CLTRN: variants seen among roughly 807,000 people sequenced by gnomAD.
CLTRN encodes collectrin, amino acid transport regulator, also known as collectrin.
In CLTRN, 12 loss-of-function variants were observed where a neutral mutation model predicts 14.5. That is an observed-to-expected ratio of 0.83 (90% CI 0.53 to 1.34). The LOEUF (loss-of-function observed/expected upper bound fraction) is 1.34, where lower values mean the gene tolerates loss of function less well. CLTRN is among the 40% of genes most tolerant of loss of function. The probability of loss-of-function intolerance (pLI) is 0.00; values close to 1 mark genes in which losing one functional copy is unlikely to be tolerated. For synonymous variants in CLTRN, 58 were observed against 56.5 expected (o/e 1.03, Z -0.12); for missense variants, 154 against 165.1 (o/e 0.93, Z 0.37).
intron 3 of CLTRN, among the ~76,000 whole-genome samples, chrX:15,651,632 T>C (rs1283775670): frequency 9.0e-6 from 1 of 111,382 alleles, no homozygotes; most frequent in Non-Finnish European, 1.9e-5. Context: ...TTATCAAATA[T>C]TTTGTCCATT....
chrX:15,666,154 C>A (rs1472537712), upstream of CLTRN, among the ~76,000 whole-genome samples: 1 of 111,798 alleles, frequency 8.9e-6, no homozygotes, highest in Non-Finnish European at 1.9e-5. Context: ...ATCTGGGTGA[C>A]AAAATAATCT....
Position 15,664,326 on chromosome X carries a change from G to A in CLTRN, c.117+11C>T. 8 of 1,177,383 alleles carry A rather than the reference G, an allele frequency of 6.8e-6. No individual in the cohort carries two copies. Among genetic ancestry groups the A allele is most frequent in the Non-Finnish European group, 9.2e-6 (8 of 873,200 alleles). ...CAAAATTTAAAAAGAACACTCAGGT[G>A]CTCCACTTACTGCTTTATCTCCCAG... is the stretch of plus-strand genomic sequence containing the variant. On this transcript the variant is annotated intron_variant, in intron 2 of 5. Coordinates refer to ENST00000380342, the MANE Select transcript of CLTRN (RefSeq NM_020665.6).
At chrX:15,660,346 G>A (rs1240165939) in intron 2 of CLTRN, among the ~76,000 whole-genome samples, 1 of 110,920 alleles carries the variant, frequency 9.0e-6, no homozygotes, top group Non-Finnish European at 1.9e-5. Context: ...GGAGGGATGG[G>A]GTCTTGCTGT....
chrX:15,674,385 T>C (rs769736658), intron 1 of CLTRN, among the ~76,000 whole-genome samples: 109 of 111,389 alleles, frequency 9.8e-4, no homozygotes, highest in Non-Finnish European at 1.5e-3. Flanking sequence ...CATCAGGAAG[T>C]AGAGGAGTGT....
At chrX:15,658,190 G>T (rs139890252) in intron 3 of CLTRN, among the ~76,000 whole-genome samples, 2,056 of 112,463 alleles carry the variant, frequency 0.018, 41 homozygotes, top group African/African-American at 0.063. Flanking sequence ...AGTGAGGCAG[G>T]TATTGTCCTG....
At chrX:15,633,401 G>A (rs1024625706) in intron 5 of CLTRN, among the ~76,000 whole-genome samples, 17 of 112,188 alleles carry the variant, frequency 1.5e-4, no homozygotes, top group Non-Finnish European at 2.6e-4. Context: ...ACTCAAATAC[G>A]TAGAGTAACT....
chrX:15,665,026 C>T, upstream of CLTRN: 1 of 357,559 alleles, frequency 2.8e-6, no homozygotes, highest in Non-Finnish European at 4.9e-6. Flanking sequence ...GACTCTACCT[C>T]AAAAGAATGT....
chrX:15,641,954 C>T (rs1489022506), intron 4 of CLTRN, among the ~76,000 whole-genome samples: 2 of 111,376 alleles, frequency 1.8e-5, no homozygotes, highest in African/African-American at 3.3e-5. Flanking sequence ...CATGATTATT[C>T]ATGGATGTGA....
chrX:15,632,139 G>C (rs773449044), intron 5 of CLTRN, among the ~76,000 whole-genome samples: 1 of 111,736 alleles, frequency 8.9e-6, no homozygotes, highest in Admixed American at 9.5e-5. Context: ...TAAATATAGA[G>C]AGAAGAGGGG....
rs1928889662 is a variant in CLTRN, at chrX:15,639,564, T to C, written c.510A>G (p.Arg170=). The C allele has an allele frequency of 1.7e-6, 2 of 1,200,705 alleles. No homozygotes were observed. Among genetic ancestry groups the C allele is most frequent in the South Asian group, 3.6e-5 (2 of 55,525 alleles). Residue 170 remains arginine (R), a splice_region_variant and synonymous_variant, in exon 5 of 6, where the codon AGA becomes AGG. Transcript: ENST00000380342. ...ATCACTCCTTTTAAATATCTTACCT[T>C]CTACGTTGCCAGATCCCTGATAAAA... The part of the protein sequence containing the change: ...LLILSGIWQR[R]RKNKEPSEVD...
intron 2 of CLTRN, among the ~76,000 whole-genome samples, chrX:15,659,852 A>C (rs1346279081): frequency 1.8e-5 from 2 of 112,064 alleles, no homozygotes; most frequent in African/African-American, 6.5e-5. Context: ...TCCAGAACTG[A>C]GAGAAAATAA....
At chrX:15,639,398 A>G (rs1295345740) in intron 5 of CLTRN, among the ~76,000 whole-genome samples, 164 bp downstream of exon 5, 3 of 112,399 alleles carry the variant, frequency 2.7e-5, no homozygotes, top group Admixed American at 1.9e-4. Flanking sequence ...TCTAAAATAT[A>G]TCTAAAGAAA....
Position 15,627,941 on chromosome X carries a change from A to T in CLTRN, c.*30T>A. On this transcript the variant is annotated 3_prime_UTR_variant, in exon 6 of 6. Transcript: ENST00000380342. ...AGCAGTCACACAGAAACAAATGTTTAATTTCTTGAGGAAGCAGAACAACAG... is the reference window on the plus strand; with the variant it reads ...AGCAGTCACACAGAAACAAATGTTTTATTTCTTGAGGAAGCAGAACAACAG... 1.0e-6 allele frequency: 1 copy of T among 993,479 alleles called. No homozygotes were observed. The highest frequency in any genetic ancestry group is 4.0e-5 in the Admixed American group (1 of 24,901). The allele number at this position is 993,479 out of a possible 1,213,427, so 81.9% of individuals were successfully genotyped here. A position where few individuals can be genotyped will look rare whatever the true frequency, so the allele number is the denominator to read the frequency against.
intron 5 of CLTRN, among the ~76,000 whole-genome samples, chrX:15,635,646 G>T (rs1928801001): frequency 9.0e-6 from 1 of 111,640 alleles, no homozygotes; most frequent in Non-Finnish European, 1.9e-5. Context: ...ATAGATTAAA[G>T]ACTTAAACCT....
chrX:15,656,313 TAA>T (rs745869332), intron 3 of CLTRN, among the ~76,000 whole-genome samples: 17 of 112,520 alleles, frequency 1.5e-4, no homozygotes, highest in Non-Finnish European at 3.0e-4. Context: ...AAACTTGATA[TAA>T]GAGATGTTGT....
At chrX:15,670,879 AGTGTGTGT>A (rs543420208) in intron 1 of CLTRN, among the ~76,000 whole-genome samples, 5,817 of 84,932 alleles carry the variant, frequency 0.068, 206 homozygotes, top group Non-Finnish European at 0.078. Flanking sequence ...AAGGGAGACA[AGTGTGTGT>A]GTGTGTGTGT....
intron 3 of CLTRN, among the ~76,000 whole-genome samples, chrX:15,651,853 G>A (rs899792018): frequency 2.7e-5 from 3 of 111,868 alleles, no homozygotes; most frequent in African/African-American, 9.8e-5. Flanking sequence ...GTCCAGGGCT[G>A]TAATAACAGA....
Position 15,658,741 on chromosome X carries a change from C to T in CLTRN, c.203+275G>A, listed in dbSNP as rs5936005. ...ATATATATATATATATATACACACA[C>T]ACACACAATAGAAATGTAGAAAGCT... On this transcript the variant is annotated intron_variant, in intron 3 of 5. Transcript: ENST00000380342. Among the ~76,000 whole-genome samples the T allele has an allele frequency of 0.21, 22,288 of 107,282 alleles. 1,920 individuals are homozygous for T. The highest frequency in any genetic ancestry group is 0.51 in the East Asian group (1,755 of 3,441). 93.2% of individuals were successfully genotyped at this position (107,282 alleles called of 115,157 possible). A position where few individuals can be genotyped will look rare whatever the true frequency, so the allele number is the denominator to read the frequency against.
chrX:15,659,913 T>C (rs1929466220), intron 2 of CLTRN, among the ~76,000 whole-genome samples: 1 of 112,301 alleles, frequency 8.9e-6, no homozygotes, highest in African/African-American at 3.2e-5. Flanking sequence ...ATGGCAACCC[T>C]AGCAAATTAA....
Sources: gnomAD v4.1 joint callset for allele counts (sites outside exome capture counted in the v4.1 genomes callset) on GRCh38, gnomAD v4.1.1 for gene constraint, MANE v1.5 for transcripts, NCBI Gene and HGNC (gene_info 2026-07-23, HGNC 2026-07-21) for gene names.